Variants in NPAS2 observed in about 807,000 individuals in gnomAD.
NPAS2 encodes the protein neuronal PAS domain-containing protein 2.
In NPAS2, 23 loss-of-function variants were observed where a neutral mutation model predicts 107.5. That is an observed-to-expected ratio of 0.21 (90% confidence interval 0.15 to 0.30). NPAS2 has a LOEUF of 0.30. NPAS2 is among the 10% of genes least tolerant of loss of function. The pLI is 1.00. For synonymous variants in NPAS2, 403 were observed against 417.5 expected (o/e 0.97, Z 0.42); for missense variants, 756 against 1,043.3 (o/e 0.72, Z 3.79).
chr2:100,853,950 C>T (rs1365285414), intron 1 of NPAS2, among the ~76,000 whole-genome samples: 1 of 137,058 alleles, frequency 7.3e-6, no homozygotes, highest in Non-Finnish European at 1.5e-5. Flanking sequence ...GAGGCCGAGG[C>T]AGGAAGATGG....
In NPAS2 at chr2:100,976,591, C is replaced by T. The variant is rs1047828075; in HGVS notation, c.1392+1024C>T. On this transcript the variant is annotated intron_variant, in intron 14 of 20. Transcript: ENST00000335681. This position sits in a 1 kb window ranked among gnomAD's most constrained non-coding sequence, Gnocchi z 4.1. ...CCCTCCCACCCACACTTCACTGTCA[C>T]TTTGGAGATGGAGTGAACGTGCCAC... 12 of 152,218 alleles carry T rather than the reference C, an allele frequency of 7.9e-5. No homozygotes were observed. Among genetic ancestry groups the T allele is most frequent in the African/African-American group, 2.7e-4 (11 of 41,424 alleles). 9.4% of individuals were successfully genotyped at this position (152,218 alleles called of 1,614,324 possible).
At chr2:100,841,067 G>A (rs943786891) in intron 1 of NPAS2, among the ~76,000 whole-genome samples, 8 of 152,078 alleles carry the variant, frequency 5.3e-5, no homozygotes, top group African/African-American at 1.7e-4. Context: ...GAGGATTCAC[G>A]GAGACAACAT....
At chr2:100,824,733 C>G (rs1480881872) in intron 1 of NPAS2, among the ~76,000 whole-genome samples, 1 of 148,616 alleles carries the variant, frequency 6.7e-6, no homozygotes, top group East Asian at 1.9e-4. Flanking sequence ...CCTGAAAACA[C>G]TTCAACCAAC....
intron 1 of NPAS2, among the ~76,000 whole-genome samples, chr2:100,870,379 C>T (rs1573507488): frequency 6.6e-6 from 1 of 152,136 alleles, no homozygotes; most frequent in Non-Finnish European, 1.5e-5. Context: ...GGACCAACTT[C>T]TCTGCTTAGT....
intron 7 of NPAS2, among the ~76,000 whole-genome samples, chr2:100,953,725 C>G (rs1371950540): frequency 1.3e-5 from 2 of 152,118 alleles, no homozygotes; most frequent in African/African-American, 4.8e-5. Flanking sequence ...ACCCTCTAAC[C>G]CGGAGCCCAC....
chr2:100,922,439 C>T (rs1441539710), intron 2 of NPAS2, among the ~76,000 whole-genome samples: 6 of 152,040 alleles, frequency 3.9e-5, no homozygotes, highest in African/African-American at 1.2e-4. Flanking sequence ...AAAAATTAGC[C>T]GGGTGTGGTG....
At chr2:100,984,275 TAAAG>T (rs1294474683) in intron 16 of NPAS2, 1 of 152,210 alleles carries the variant, frequency 6.6e-6, no homozygotes, top group East Asian at 1.9e-4. Context: ...TTGTAAGACT[TAAAG>T]AAATATGTTC....
At chr2:100,988,032 A>T in intron 16 of NPAS2, 47 bp from the exon 17 acceptor site, 1 of 1,596,900 alleles carries the variant, frequency 6.3e-7, no homozygotes, top group Non-Finnish European at 8.6e-7. Context: ...CACACTGGTG[A>T]GGTACCCATG....
intron 12 of NPAS2, 70 bp from the exon 13 acceptor site, chr2:100,974,733 A>T: frequency 2.0e-6 from 3 of 1,530,274 alleles, no homozygotes; most frequent in Non-Finnish European, 1.8e-6. Flanking sequence ...CATATTTAGA[A>T]CTAAAGTCAC....
At chr2:100,886,344 T>G (rs1300453253) in intron 1 of NPAS2, among the ~76,000 whole-genome samples, 1 of 152,234 alleles carries the variant, frequency 6.6e-6, no homozygotes, top group African/African-American at 2.4e-5. Context: ...GATCCCGAGG[T>G]CTGCACATAA....
intron 7 of NPAS2, chr2:100,962,796 C>T (rs1675987685): frequency 6.6e-6 from 1 of 152,228 alleles, no homozygotes; most frequent in Non-Finnish European, 1.5e-5. Context: ...AGGCAGGGAC[C>T]AAGTCCCACA....
chr2:100,836,901 G>T (rs1378112948), intron 1 of NPAS2, among the ~76,000 whole-genome samples: 2 of 152,226 alleles, frequency 1.3e-5, no homozygotes, highest in Admixed American at 6.5e-5. Context: ...GATGAGGTCT[G>T]TGAATTGTGA....
In NPAS2 at chr2:100,965,597, C is replaced by A; in HGVS notation, c.801-63C>A. ...GTTGATCATTATGGAAAGGCATGGC[C>A]ACCAGGGTGAGCCCTGCAGGGTGTC... On this transcript the variant is annotated intron_variant, in intron 9 of 20. Transcript: ENST00000335681. This position sits in a 1 kb window ranked among gnomAD's most constrained non-coding sequence, Gnocchi z 4.3. The A allele has an allele frequency of 9.6e-7, 1 of 1,040,508 alleles. No individual in the cohort carries two copies. The highest frequency in any genetic ancestry group is 1.5e-6 in the Non-Finnish European group (1 of 676,420). 64.5% of individuals were successfully genotyped at this position (1,040,508 alleles called of 1,614,324 possible).
Position 100,964,347 on chromosome 2 carries a change from C to T in NPAS2, c.717+171C>T, listed in dbSNP as rs112289475. 4.6e-5 allele frequency among the ~76,000 whole-genome samples: 7 copies of T among 152,318 alleles called. 1 individual carries two copies. The highest frequency in any genetic ancestry group is 1.7e-4 in the African/African-American group (7 of 41,582). ...CTGCACACACGCCCTTTCCCCTGCC[C>T]CGTTTCCTGCAAGTGGTTCTCTTTG... On this transcript the variant is annotated intron_variant, in intron 8 of 20. Coordinates refer to ENST00000335681, the MANE Select transcript of NPAS2 (RefSeq NM_002518.4).
intron 1 of NPAS2, among the ~76,000 whole-genome samples, chr2:100,872,763 A>C (rs60933996): frequency 0.032 from 4,860 of 152,192 alleles, 138 homozygotes; most frequent in African/African-American, 0.073. Flanking sequence ...GAAGCCCAGA[A>C]AAGTTTGGTC....
chr2:100,977,854 T>C, intron 15 of NPAS2, 55 bp downstream of exon 15: 1 of 1,441,072 alleles, frequency 6.9e-7, no homozygotes, highest in Non-Finnish European at 9.8e-7. Flanking sequence ...GTCCGCAGTG[T>C]GCTGCGCTGA....
intron 1 of NPAS2, among the ~76,000 whole-genome samples, chr2:100,831,189 G>A (rs560174181): frequency 7.9e-5 from 12 of 152,168 alleles, no homozygotes; most frequent in South Asian, 6.2e-4. Context: ...CCAGCTACTC[G>A]GAAGGCTGAG....
At chr2:100,941,626 C>G (rs1350121719) in intron 5 of NPAS2, among the ~76,000 whole-genome samples, 1 of 151,992 alleles carries the variant, frequency 6.6e-6, no homozygotes, top group Non-Finnish European at 1.5e-5. Flanking sequence ...ATTTTGGTGT[C>G]TAGAATTGAC....
intron 1 of NPAS2, chr2:100,821,056 T>G (rs1005345365): frequency 3.1e-6 from 4 of 1,303,852 alleles, no homozygotes; most frequent in Admixed American, 4.6e-5. Context: ...TTGGGAGATG[T>G]GCCCCTTTCC....
Sources: allele counts gnomAD v4.1 joint callset (sites outside exome capture counted in the v4.1 genomes callset), GRCh38; gene constraint gnomAD v4.1.1; non-coding constraint Gnocchi (gnomAD v3.1); transcripts MANE v1.5; gene names NCBI Gene and HGNC (gene_info 2026-07-23, HGNC 2026-07-21).